Variants in RAD51B observed in about 807,000 individuals in gnomAD.
RAD51B encodes DNA repair protein RAD51 homolog 2.
Under a neutral mutation model 42.2 loss-of-function variants are expected in RAD51B, and 38 were observed. The ratio of observed to expected loss-of-function variants is 0.90; its 90% CI spans 0.70 to 1.18. The LOEUF (loss-of-function observed/expected upper bound fraction) is 1.18, where lower values mean the gene tolerates loss of function less well. Among genes scored for constraint, RAD51B ranks in the 50% most tolerant of loss-of-function variants. The pLI, the probability that RAD51B is intolerant of heterozygous loss-of-function variation, is 0.00. For missense variants in RAD51B, 373 were observed against 400.7 expected, an observed-to-expected ratio of 0.93 and a Z score of 0.59; for synonymous variants, 154 against 145.2, an observed-to-expected ratio of 1.06 and a Z score of -0.43.
At chr14:68,660,347 CT>C (rs1179917282) in intron 11 of RAD51B, among the ~76,000 whole-genome samples, 2 of 152,184 alleles carry the variant, frequency 1.3e-5, no homozygotes, top group African/African-American at 4.8e-5. Flanking sequence ...GCAAAATATG[CT>C]GGTTGAATGA....
intron 7 of RAD51B, among the ~76,000 whole-genome samples, chr14:67,891,128 A>C (rs190412770): frequency 5.9e-4 from 89 of 151,758 alleles, no homozygotes; most frequent in Middle Eastern, 6.8e-3. Flanking sequence ...GTCTCCCCTT[A>C]ATCTTCTTCT....
chr14:68,305,217 G>A (rs2081835326), intron 8 of RAD51B, among the ~76,000 whole-genome samples: 1 of 152,162 alleles, frequency 6.6e-6, no homozygotes, highest in African/African-American at 2.4e-5. Flanking sequence ...GAGTGAGACT[G>A]AAACCAAAAT....
At chr14:68,299,090 A>G (rs908187384) in intron 8 of RAD51B, among the ~76,000 whole-genome samples, 1 of 151,864 alleles carries the variant, frequency 6.6e-6, no homozygotes, top group Non-Finnish European at 1.5e-5. Flanking sequence ...CCCCAGATAG[A>G]GGAGGGCTGT....
intron 8 of RAD51B, among the ~76,000 whole-genome samples, chr14:68,329,717 C>G (rs145501138): frequency 6.6e-6 from 1 of 152,208 alleles, no homozygotes; most frequent in African/African-American, 2.4e-5. Flanking sequence ...CCCGGTGGCT[C>G]ACGCCTATAA....
At chr14:68,190,187 G>A (rs1433490335) in intron 7 of RAD51B, among the ~76,000 whole-genome samples, 1 of 53,360 alleles carries the variant, frequency 1.9e-5, no homozygotes, top group African/African-American at 5.0e-5. Context: ...CAACAAAAGA[G>A]TTTAGTAGTT....
chr14:67,834,569 A>AGTG (rs1182289422), intron 3 of RAD51B, among the ~76,000 whole-genome samples: 1 of 151,576 alleles, frequency 6.6e-6, no homozygotes, highest in Non-Finnish European at 1.5e-5. Flanking sequence ...CTACACCCAC[A>AGTG]CTCCATCTTT....
intron 7 of RAD51B, among the ~76,000 whole-genome samples, chr14:68,251,603 A>T (rs1026543881): frequency 3.3e-5 from 5 of 152,206 alleles, no homozygotes; most frequent in African/African-American, 1.2e-4. Flanking sequence ...CAGGTGTCAC[A>T]TCTGTTCCTC....
chr14:68,579,901 C>T (rs895363023), intron 10 of RAD51B, among the ~76,000 whole-genome samples: 6 of 152,250 alleles, frequency 3.9e-5, no homozygotes, highest in African/African-American at 7.2e-5. Context: ...GCAGATGCCT[C>T]CACGTCTCCA....
At chr14:68,086,266 C>T (rs751799251) in intron 7 of RAD51B, among the ~76,000 whole-genome samples, 3 of 152,112 alleles carry the variant, frequency 2.0e-5, no homozygotes, top group Non-Finnish European at 4.4e-5. Flanking sequence ...GTTGGCTTGC[C>T]GGTGTGCTGG....
At chr14:68,398,987 C>A (rs1041030750) in intron 8 of RAD51B, among the ~76,000 whole-genome samples, 1 of 152,138 alleles carries the variant, frequency 6.6e-6, no homozygotes, top group Non-Finnish European at 1.5e-5. Context: ...GATTCTGATT[C>A]ATCAGGTTTG....
intron 7 of RAD51B, among the ~76,000 whole-genome samples, chr14:68,102,548 T>G (rs560789371): frequency 1.3e-5 from 2 of 152,310 alleles, no homozygotes; most frequent in African/African-American, 4.8e-5. Flanking sequence ...CACCTCTACC[T>G]GGACTTCATT....
At chr14:68,438,062 T>TA (rs2085190515) in intron 9 of RAD51B, among the ~76,000 whole-genome samples, 1 of 152,040 alleles carries the variant, frequency 6.6e-6, no homozygotes, top group Non-Finnish European at 1.5e-5. Flanking sequence ...TAGTTAAAGA[T>TA]AAAGTAAGGA....
intron 10 of RAD51B, among the ~76,000 whole-genome samples, chr14:68,510,265 C>T (rs116379634): frequency 0.035 from 5,278 of 152,292 alleles, 289 homozygotes; most frequent in African/African-American, 0.12. Flanking sequence ...AGATTAAAAT[C>T]AGCTGCAACC....
intron 7 of RAD51B, among the ~76,000 whole-genome samples, chr14:68,013,146 A>C (rs1255525699): frequency 6.6e-6 from 1 of 152,154 alleles, no homozygotes; most frequent in Admixed American, 6.6e-5. Flanking sequence ...TATGTCTGGC[A>C]GATGTCACTG....
intron 8 of RAD51B, among the ~76,000 whole-genome samples, chr14:68,376,542 A>G (rs780947798): frequency 6.6e-6 from 1 of 152,172 alleles, no homozygotes; most frequent in Non-Finnish European, 1.5e-5. Flanking sequence ...GTGGGTTACA[A>G]TCTTTGGAAG....
chr14:68,439,168 ACACACACACACACACACACT>A (rs2085219983), intron 9 of RAD51B, among the ~76,000 whole-genome samples: 1 of 60,294 alleles, frequency 1.7e-5, no homozygotes, highest in African/African-American at 8.3e-5. Context: ...ACACACACAC[ACACACACACACACACACACT>A]CTCTCACACA....
intron 8 of RAD51B, among the ~76,000 whole-genome samples, chr14:68,365,482 A>T (rs34550836): frequency 6.6e-6 from 1 of 152,210 alleles, no homozygotes; most frequent in Non-Finnish European, 1.5e-5. Context: ...TGTATCATAC[A>T]ATCTAGATAT....
chr14:68,436,480 T>A (rs544853814), intron 9 of RAD51B, among the ~76,000 whole-genome samples: 4 of 152,296 alleles, frequency 2.6e-5, no homozygotes, highest in Admixed American at 2.6e-4. Context: ...TTATTTCTGC[T>A]TAGGATTGCT....
chr14:68,434,611 A>G (rs1323065174), intron 9 of RAD51B, among the ~76,000 whole-genome samples: 1 of 152,132 alleles, frequency 6.6e-6, no homozygotes, highest in Non-Finnish European at 1.5e-5. Context: ...TATTAGGGTG[A>G]GAGTGACCTG....
Sources: gnomAD v4.1 joint callset for allele counts (sites outside exome capture counted in the v4.1 genomes callset) on GRCh38, gnomAD v4.1.1 for gene constraint, MANE v1.5 for transcripts, NCBI Gene and HGNC (gene_info 2026-07-23, HGNC 2026-07-21) for gene names.